NPAS3: variants seen among roughly 807,000 people sequenced by gnomAD.
NPAS3 encodes the protein neuronal PAS domain protein 3, also known as neuronal PAS domain-containing protein 3.
Under a neutral mutation model 73.1 loss-of-function variants are expected in NPAS3, and 14 were observed. The observed-to-expected ratio is 0.19, with a 90% CI of 0.13 to 0.30. NPAS3 has a LOEUF of 0.30. Ranked by LOEUF, NPAS3 falls within the 10% of genes least tolerant of loss-of-function variation. The pLI is 1.00. For synonymous variants in NPAS3, 620 were observed against 541.5 expected (o/e 1.14, Z -2.01); for missense variants, 1,096 against 1,250.0 (o/e 0.88, Z 1.86).
At chr14:33,134,278 T>C (rs12879597) in intron 2 of NPAS3, among the ~76,000 whole-genome samples, 1 of 151,856 alleles carries the variant, frequency 6.6e-6, no homozygotes, top group South Asian at 2.1e-4. Context: ...AGCAAAGAGG[T>C]TTTAAATGAC....
intron 3 of NPAS3, among the ~76,000 whole-genome samples, chr14:33,234,451 G>A (rs2047959478): frequency 6.6e-6 from 1 of 152,084 alleles, no homozygotes; most frequent in Admixed American, 6.6e-5. Flanking sequence ...TCTTCTAGAT[G>A]CATTTTATTA....
In NPAS3 at chr14:33,703,611, T is replaced by C. The variant is rs77417876; in HGVS notation, c.733+27226T>C. 4.2e-3 allele frequency among the ~76,000 whole-genome samples: 643 copies of C among 152,268 alleles called. 30 individuals carry two copies. The East Asian group carries it at 0.099, about 23-fold the overall frequency. ...ATTCTGGTTTTAAATTTTAATGTTA[T>C]CATTTATAATGGTTAAAATCTACAA... is the stretch of plus-strand genomic sequence containing the variant. On this transcript the variant is annotated intron_variant, in intron 6 of 11. Transcript: ENST00000356141.
At chr14:33,390,598 C>A (rs1180195793) in intron 4 of NPAS3, among the ~76,000 whole-genome samples, 1 of 152,152 alleles carries the variant, frequency 6.6e-6, no homozygotes, top group Admixed American at 6.6e-5. Flanking sequence ...GGTCTAATAG[C>A]CAATTTGTAG....
At chr14:33,543,943 G>A (rs1308338354) in intron 4 of NPAS3, among the ~76,000 whole-genome samples, 2 of 77,886 alleles carry the variant, frequency 2.6e-5, no homozygotes, top group South Asian at 4.3e-4. Context: ...GTATGGCAAA[G>A]TGCATATATA....
rs114186573 is a variant in NPAS3 at position 33,103,056 on chromosome 14, A to G, written c.140+47062A>G. On this transcript the variant is annotated intron_variant, in intron 2 of 11. Coordinates refer to ENST00000356141, the Ensembl canonical transcript of NPAS3. ...TGGTGGTGACTAGTGGTAAGTTTAT[A>G]AGGAATTTAAGTTAAAAGAAAAGTA... Among the ~76,000 whole-genome samples, 536 of 152,280 alleles carry G rather than the reference A, an allele frequency of 3.5e-3. 6 individuals are homozygous for G. Among genetic ancestry groups the G allele is most frequent in the African/African-American group, 0.012 (499 of 41,564 alleles).
At chr14:33,302,052 A>G (rs1230973186) in intron 3 of NPAS3, among the ~76,000 whole-genome samples, 1 of 152,156 alleles carries the variant, frequency 6.6e-6, no homozygotes. Flanking sequence ...TTATTCACCA[A>G]TATATCTCAG....
At chr14:32,986,059 G>A (rs1028671159) in intron 1 of NPAS3, among the ~76,000 whole-genome samples, 7 of 152,182 alleles carry the variant, frequency 4.6e-5, no homozygotes, top group Admixed American at 2.6e-4. Context: ...TGAACTCTCC[G>A]TGCAGGAGAA....
intron 3 of NPAS3, among the ~76,000 whole-genome samples, chr14:33,364,770 G>A (rs1390867963): frequency 1.3e-5 from 2 of 151,854 alleles, no homozygotes; most frequent in African/African-American, 2.4e-5. Flanking sequence ...TTGAATAACC[G>A]CCCCACCCCC....
At chr14:33,144,695 A>G (rs1267933278) in intron 2 of NPAS3, among the ~76,000 whole-genome samples, 3 of 152,138 alleles carry the variant, frequency 2.0e-5, no homozygotes, top group African/African-American at 7.2e-5. Flanking sequence ...ATGTGCACCA[A>G]AACACCCAGC....
intron 5 of NPAS3, among the ~76,000 whole-genome samples, chr14:33,640,678 A>G (rs2058652264): frequency 6.6e-6 from 1 of 152,218 alleles, no homozygotes; most frequent in African/African-American, 2.4e-5. Flanking sequence ...CCAAGTACCA[A>G]CAAATACTCC....
chr14:33,639,040 T>C (rs1000180868), intron 5 of NPAS3, among the ~76,000 whole-genome samples: 7 of 152,198 alleles, frequency 4.6e-5, no homozygotes, highest in Admixed American at 1.3e-4. Flanking sequence ...CCATCTAATG[T>C]AATACATCAC....
chr14:32,939,622 A>AC (rs1491309569), intron 1 of NPAS3, among the ~76,000 whole-genome samples: 2 of 66,468 alleles, frequency 3.0e-5, no homozygotes, highest in Non-Finnish European at 7.3e-5. Context: ...TGACTCACTG[A>AC]CAAAAAAAAA....
intron 4 of NPAS3, among the ~76,000 whole-genome samples, chr14:33,491,624 TA>T (rs1393931538): frequency 6.6e-6 from 1 of 152,158 alleles, no homozygotes; most frequent in Non-Finnish European, 1.5e-5. Context: ...ACAAAACTTT[TA>T]AACCTTTAAA....
chr14:33,677,158 G>GGTCTTCCGAGAGCGCTGGTAA (rs1219754843), intron 6 of NPAS3, among the ~76,000 whole-genome samples: 1 of 152,128 alleles, frequency 6.6e-6, no homozygotes, highest in Non-Finnish European at 1.5e-5. Flanking sequence ...GGTCGGCCTG[G>GGTCTTCCGAGAGCGCTGGTAA]GTCTTCCGAG....
At chr14:33,658,752 G>T (rs1398712555) in intron 5 of NPAS3, among the ~76,000 whole-genome samples, 2 of 152,122 alleles carry the variant, frequency 1.3e-5, no homozygotes, top group African/African-American at 4.8e-5. Context: ...TGATCCCTGT[G>T]GATCAAAGGC....
At chr14:33,094,621 A>G (rs932629843) in intron 2 of NPAS3, among the ~76,000 whole-genome samples, 1 of 152,056 alleles carries the variant, frequency 6.6e-6, no homozygotes, top group Non-Finnish European at 1.5e-5. Context: ...GCCTGCCATC[A>G]TGCCCAGCTA....
At chr14:33,592,461 G>A (rs2057103120) in intron 5 of NPAS3, among the ~76,000 whole-genome samples, 1 of 152,174 alleles carries the variant, frequency 6.6e-6, no homozygotes, top group African/African-American at 2.4e-5. Flanking sequence ...ATGACTCAGT[G>A]CTTTGGGAGT....
At chr14:33,546,281 CTTA>C (rs1455859904) in intron 4 of NPAS3, among the ~76,000 whole-genome samples, 3 of 152,222 alleles carry the variant, frequency 2.0e-5, no homozygotes, top group Non-Finnish European at 4.4e-5. Context: ...TGTCGATTGA[CTTA>C]TGCAGAAAAG....
chr14:33,226,117 C>A (rs1172047811), intron 3 of NPAS3, among the ~76,000 whole-genome samples: 3 of 152,100 alleles, frequency 2.0e-5, no homozygotes, highest in Non-Finnish European at 4.4e-5. Context: ...CATATTAAGT[C>A]AGTGGTATCA....
Sources: allele counts gnomAD v4.1 joint callset (sites outside exome capture counted in the v4.1 genomes callset), GRCh38; gene constraint gnomAD v4.1.1; transcripts MANE v1.5; gene names NCBI Gene and HGNC (gene_info 2026-07-23, HGNC 2026-07-21).